The following ZFHX4 variants were observed in gnomAD, a reference collection of about 807,000 sequenced individuals.
The protein encoded by ZFHX4 is zinc finger homeobox protein 4.
ZFHX4 carries 56 observed loss-of-function variants against 267.6 expected under a neutral mutation model. The ratio of observed to expected loss-of-function variants is 0.21; its 90% CI spans 0.17 to 0.26. The LOEUF is 0.26. ZFHX4 is among the 10% of genes least tolerant of loss of function. The probability of loss-of-function intolerance (pLI) is 1.00; values close to 1 mark genes in which losing one functional copy is unlikely to be tolerated. For synonymous variants in ZFHX4, 1,778 were observed against 1,665.6 expected, an observed-to-expected ratio of 1.07 and a Z score of -1.64; for missense variants, 4,332 against 4,420.0, an observed-to-expected ratio of 0.98 and a Z score of 0.56.
intron 4 of ZFHX4, among the ~76,000 whole-genome samples, chr8:76,816,412 A>G (rs907314514): frequency 1.3e-5 from 2 of 151,980 alleles, no homozygotes; most frequent in Admixed American, 1.3e-4. Context: ...TTTGGCTCCT[A>G]TTACCTGCAT....
intron 4 of ZFHX4, among the ~76,000 whole-genome samples, chr8:76,797,852 G>C (rs1165814988): frequency 6.6e-6 from 1 of 151,144 alleles, no homozygotes; most frequent in Non-Finnish European, 1.5e-5. Context: ...GTTTGACCTG[G>C]TATAATTTGT....
chr8:76,725,966 CTGATA>C (rs1808842008), intron 3 of ZFHX4, among the ~76,000 whole-genome samples: 2 of 152,088 alleles, frequency 1.3e-5, no homozygotes, highest in Admixed American at 6.6e-5. Flanking sequence ...GAGGAAGCAA[CTGATA>C]TGAAATACCA....
chr8:76,849,075 G>A lies in ZFHX4; in HGVS notation c.3592G>A (p.Val1198Ile). The change falls in exon 7 of 11, where the codon GTT becomes ATT. Residue 1198 changes from valine (V) to isoleucine (I), a missense_variant. Physicochemically the swap from Val to Ile is conservative, Grantham distance 29. Around this residue, in one of 7 missense-constraint regions of ZFHX4, gnomAD observed 1,371 missense variants for 1,423.1 expected, o/e 0.96. Transcript: ENST00000651372. ...ACTCCTGCTGGCAAAAGAAGAGGAT[G>A]TTGCAACAAAAAGGTCAAAACCTAC... is the stretch of plus-strand genomic sequence containing the variant. ...QPLLLAKEED[V>I]ATKRSKPTED... The A allele has an allele frequency of 6.4e-7, 1 of 1,569,866 alleles. No individual in the cohort carries two copies.
chr8:76,818,067 C>G (rs1486031062), intron 4 of ZFHX4, among the ~76,000 whole-genome samples: 2 of 152,096 alleles, frequency 1.3e-5, no homozygotes, highest in Non-Finnish European at 2.9e-5. Context: ...ATGAACTTGT[C>G]ACCATAAACC....
intron 6 of ZFHX4, 118 bp from the exon 7 acceptor site, chr8:76,848,877 T>A (rs1812430416): frequency 1.0e-6 from 1 of 967,688 alleles, no homozygotes. Flanking sequence ...TTTAAAATGC[T>A]TGTCGGTTCT....
intron 3 of ZFHX4, among the ~76,000 whole-genome samples, chr8:76,743,157 A>G (rs556254425): frequency 1.3e-5 from 2 of 152,346 alleles, no homozygotes; most frequent in South Asian, 4.1e-4. Context: ...TTAAGAGTAG[A>G]GAGTTTGCCA....
chr8:76,786,786 G>A (rs1012218791), intron 4 of ZFHX4, among the ~76,000 whole-genome samples: 79 of 152,178 alleles, frequency 5.2e-4, no homozygotes, highest in Non-Finnish European at 9.7e-4. Context: ...ACTGATTGCA[G>A]TTTGAAAACC....
intron 3 of ZFHX4, among the ~76,000 whole-genome samples, chr8:76,728,821 A>G (rs545008886): frequency 6.6e-6 from 1 of 152,322 alleles, no homozygotes; most frequent in African/African-American, 2.4e-5. Flanking sequence ...GACTCTTTAA[A>G]TATTCATATT....
intron 5 of ZFHX4, among the ~76,000 whole-genome samples, chr8:76,842,027 G>A (rs561385111): frequency 6.6e-6 from 1 of 152,100 alleles, no homozygotes; most frequent in African/African-American, 2.4e-5. Flanking sequence ...TCTAGCTGGT[G>A]TGAACCCGTG....
intron 3 of ZFHX4, among the ~76,000 whole-genome samples, chr8:76,716,927 G>A (rs1336601285): frequency 6.6e-6 from 1 of 152,130 alleles, no homozygotes; most frequent in Non-Finnish European, 1.5e-5. Flanking sequence ...TGCAAGTTAA[G>A]CACCTTTGGA....
Position 76,831,940 on chromosome 8 carries a change from T to C in ZFHX4, c.3326-1398T>C, listed in dbSNP as rs535043069. ...TATTTGGAAGCTACTTGTGGATTTA[T>C]AAGTAAAGACTGAGAATAAATTTTT... On this transcript the variant is annotated intron_variant, in intron 4 of 10. Transcript: ENST00000651372. Among the ~76,000 whole-genome samples, 34 of 149,442 alleles carry C rather than the reference T, an allele frequency of 2.3e-4. 1 individual carries two copies. In the South Asian group the frequency reaches 6.2e-3, roughly 27 times the overall value.
rs376084723 is a variant in ZFHX4 at position 76,845,768 on chromosome 8, C to T, written c.3511+2997C>T. 2.0e-4 allele frequency among the ~76,000 whole-genome samples: 31 copies of T among 152,034 alleles called. No individual in the cohort carries two copies. The East Asian group carries it at 5.6e-3, about 27-fold the overall frequency. ...GCATCTGCATTGAAATGAATTATGT[C>T]ATTTTTTATATTAGCAATCTCATGC... On this transcript the variant is annotated intron_variant, in intron 6 of 10. Transcript: ENST00000651372.
At position 76,706,110 on chromosome 8, in the gene ZFHX4, T is replaced by C. The variant is rs760744876; in HGVS notation, c.2022T>C (p.Cys674=). ...KEKHPEPGGS[C]VYCKTGQPHP... is the part of the protein sequence containing the mutation. ...AACACCCTGAGCCGGGTGGCTCTTG[T>C]GTTTATTGTAAGACTGGACAGCCTC... Residue 674 remains cysteine (C), a synonymous_variant, in exon 2 of 11, where the codon TGT becomes TGC. Coordinates refer to ENST00000651372, the MANE Select transcript of ZFHX4 (RefSeq NM_024721.5). The C allele has an allele frequency of 2.5e-6, 4 of 1,613,562 alleles. No individual in the cohort carries two copies. The highest frequency in any genetic ancestry group is 2.5e-6 in the Non-Finnish European group (3 of 1,179,780).
intron 4 of ZFHX4, among the ~76,000 whole-genome samples, chr8:76,790,915 G>C (rs940487906): frequency 6.6e-6 from 1 of 152,136 alleles, no homozygotes; most frequent in African/African-American, 2.4e-5. Context: ...GATCTGCCTT[G>C]GTTGAGTAAC....
At chr8:76,690,701 C>T (rs1191179447) in intron 1 of ZFHX4, among the ~76,000 whole-genome samples, 2 of 151,694 alleles carry the variant, frequency 1.3e-5, no homozygotes, top group Non-Finnish European at 3.0e-5. Context: ...TCCTACATTC[C>T]TATTCAGTAG....
chr8:76,833,750 T>C (rs553681974), intron 5 of ZFHX4: 36 of 251,862 alleles, frequency 1.4e-4, no homozygotes, highest in Non-Finnish European at 2.7e-4. Context: ...ACTTGAAGAC[T>C]GTAGTTTTCA....
rs553007461 is a variant in ZFHX4, at chr8:76,766,210, G to A, written c.3094-11998G>A. On this transcript the variant is annotated intron_variant, in intron 3 of 10. Transcript: ENST00000651372. The stretch of plus-strand genomic sequence containing the variant: ...AAATTGATCATTTAGGCCAACTGAT[G>A]TCAAAAATTTTATATAGGTAATTGG... Among the ~76,000 whole-genome samples the A allele has an allele frequency of 3.5e-4, 53 of 151,394 alleles. 1 individual carries two copies. The highest frequency in any genetic ancestry group is 1.1e-3 in the Admixed American group (17 of 15,192).
chr8:76,705,172 G>T lies in ZFHX4; in HGVS notation c.1084G>T (p.Gly362Cys). 6.2e-7 allele frequency: 1 copy of T among 1,613,838 alleles called. No homozygotes were observed. Among genetic ancestry groups the T allele is most frequent in the South Asian group, 1.1e-5 (1 of 91,076 alleles). The part of the protein sequence containing the change: ...NLIGPDPTFR[G>C]LWSAFHVENG... Reference sequence around the variant, plus strand: ...CATAGGACCCGATCCAACCTTCCGCGGTTTATGGAGCGCTTTTCATGTTGA... The same window carrying T: ...CATAGGACCCGATCCAACCTTCCGCTGTTTATGGAGCGCTTTTCATGTTGA... Residue 362 changes from glycine (G) to cysteine (C), a missense_variant, in exon 2 of 11, where the codon GGT (glycine) becomes TGT (cysteine). Around this residue, in one of 7 missense-constraint regions of ZFHX4, gnomAD observed 1,195 missense variants for 1,173.6 expected, o/e 1.02. Coordinates refer to ENST00000651372, the MANE Select transcript of ZFHX4 (RefSeq NM_024721.5).
chr8:76,815,607 T>C (rs777112458), intron 4 of ZFHX4, among the ~76,000 whole-genome samples: 78 of 152,156 alleles, frequency 5.1e-4, no homozygotes, highest in Non-Finnish European at 8.2e-4. Flanking sequence ...GCTCAAGTGA[T>C]CCTCCTGCCT....
Sources: allele counts gnomAD v4.1 joint callset (sites outside exome capture counted in the v4.1 genomes callset), GRCh38; gene constraint gnomAD v4.1.1; regional missense constraint gnomAD v4.1.1; transcripts MANE v1.5; gene names NCBI Gene and HGNC (gene_info 2026-07-23, HGNC 2026-07-21).